Variants in ADGRG6 observed in about 807,000 individuals in gnomAD.
ADGRG6 encodes the protein G-protein coupled receptor 126.
A neutral mutation model predicts 142.4 loss-of-function variants in ADGRG6; 84 were observed. The ratio of observed to expected loss-of-function variants is 0.59; its 90% CI spans 0.49 to 0.71. The LOEUF (loss-of-function observed/expected upper bound fraction) is 0.71, where lower values mean the gene tolerates loss of function less well. Among genes scored for constraint, ADGRG6 ranks in the 30% least tolerant of loss-of-function variants. ADGRG6 has a pLI of 0.00. For synonymous variants in ADGRG6, 521 were observed against 520.5 expected (o/e 1.00, Z -0.01); for missense variants, 1,367 against 1,466.6 (o/e 0.93, Z 1.11).
Position 142,383,794 on chromosome 6 carries a change from TG to T in ADGRG6, c.1174del (p.Val392SerfsTer25). 3.2e-6 allele frequency: 5 copies of T among 1,578,524 alleles called. No individual in the cohort carries two copies. The highest frequency in any genetic ancestry group is 3.5e-6 in the Non-Finnish European group (4 of 1,148,206). On this transcript the variant is annotated frameshift_variant, in exon 6 of 25. Transcript: ENST00000367609. LOFTEE classifies it high-confidence loss of function. ...ACTCTCCTAGTACTACACCACCCAC[TG>T]TCACCACTAACATGCCTGTTACTAA... ...VNSPSTTPPT[V>X]TTNMPVTNRI...
Position 142,437,544 on chromosome 6 carries a change from T to C in ADGRG6, c.3421+9T>C, listed in dbSNP as rs563833369. 10 of 1,276,220 alleles carry C rather than the reference T, an allele frequency of 7.8e-6. No homozygotes were observed. In the Admixed American group the frequency reaches 8.4e-5, roughly 11 times the overall value. The allele number at this position is 1,276,220 out of a possible 1,614,324, so 79.1% of individuals were successfully genotyped here. On this transcript the variant is annotated intron_variant, in intron 23 of 24. Transcript: ENST00000367609. ...GTTAGCAGATAACTCAGGTAAAGAG[T>C]TGTTGATTAAATTTTACATCTACAA...
rs138498029 is a variant in ADGRG6 at position 142,393,878 on chromosome 6, A to G, written c.1362-18A>G. 8.1e-6 allele frequency: 12 copies of G among 1,477,054 alleles called. No homozygotes were observed. The African/African-American group carries it at 1.1e-4, about 14-fold the overall frequency. The allele number at this position is 1,477,054 out of a possible 1,614,324, so 91.5% of individuals were successfully genotyped here. A position where few individuals can be genotyped will look rare whatever the true frequency, so the allele number is the denominator to read the frequency against. ...GTTGGTGAGGTGGATTAATGAATAT[A>G]TGTATTTGTGTTTTTAGTTTTCACC... On this transcript the variant is annotated intron_variant, in intron 8 of 24. Coordinates refer to ENST00000367609, the MANE Select transcript of ADGRG6 (RefSeq NM_198569.3).
intron 18 of ADGRG6, among the ~76,000 whole-genome samples, chr6:142,411,654 A>G (rs999419605): frequency 3.9e-5 from 6 of 152,122 alleles, no homozygotes; most frequent in African/African-American, 1.4e-4. Flanking sequence ...CAGTGATGAT[A>G]AATAATCCCA....
At chr6:142,335,883 A>G (rs1357853917) in intron 2 of ADGRG6, among the ~76,000 whole-genome samples, 1 of 152,216 alleles carries the variant, frequency 6.6e-6, no homozygotes, top group Non-Finnish European at 1.5e-5. Flanking sequence ...GAATGTAATC[A>G]GGGATCCTTT....
At chr6:142,393,639 T>C (rs1482594536) in intron 8 of ADGRG6, among the ~76,000 whole-genome samples, 1 of 152,164 alleles carries the variant, frequency 6.6e-6, no homozygotes, top group African/African-American at 2.4e-5. Flanking sequence ...AAGTACGTTA[T>C]TGTACAAACT....
chr6:142,311,331 T>A (rs1777759364), intron 2 of ADGRG6, among the ~76,000 whole-genome samples: 1 of 151,910 alleles, frequency 6.6e-6, no homozygotes, highest in Admixed American at 6.6e-5. Flanking sequence ...TCTGTTTCAC[T>A]TTTGAGGCCA....
chr6:142,321,077 A>G (rs1432035773), intron 2 of ADGRG6, among the ~76,000 whole-genome samples: 2 of 151,998 alleles, frequency 1.3e-5, no homozygotes, highest in Non-Finnish European at 2.9e-5. Context: ...AAAGGTATAC[A>G]TAACCATAAC....
chr6:142,335,545 G>A (rs1371186184), intron 2 of ADGRG6, among the ~76,000 whole-genome samples: 1 of 152,110 alleles, frequency 6.6e-6, no homozygotes, highest in Non-Finnish European at 1.5e-5. Context: ...GGGCATCAGT[G>A]GGAAAGGAGG....
rs1006468613 is a variant in ADGRG6 at position 142,408,268 on chromosome 6, A to G, written c.2387A>G (p.Gln796Arg). 6.4e-7 allele frequency: 1 copy of G among 1,556,674 alleles called. No homozygotes were observed. Among genetic ancestry groups the G allele is most frequent in the Admixed American group, 1.9e-5 (1 of 52,052 alleles). The change falls in exon 16 of 25, where the codon CAG (glutamine) becomes CGG (arginine). Residue 796 changes from glutamine to arginine, a missense_variant and splice_region_variant. Gln to Arg is a conservative substitution (Grantham distance 43). This residue lies in a region of ADGRG6 where 286 missense variants were observed against 371.4 expected (regional missense o/e 0.77). Coordinates refer to ENST00000367609, the MANE Select transcript of ADGRG6 (RefSeq NM_198569.3). ...ATAAAAATCAAACATACAAGAACTC[A>G]GGTAAGAAAACGCTCCCAATAGCAT... ...VQIKIKHTRT[Q>R]EVHHPICAFW...
chr6:142,426,607 C>A (rs532272475), intron 22 of ADGRG6, among the ~76,000 whole-genome samples: 1 of 152,304 alleles, frequency 6.6e-6, no homozygotes, highest in East Asian at 1.9e-4. Flanking sequence ...GATGGTGGCC[C>A]TCTTCTCACA....
intron 2 of ADGRG6, among the ~76,000 whole-genome samples, chr6:142,364,575 A>G (rs904445743): frequency 9.2e-5 from 14 of 152,216 alleles, no homozygotes; most frequent in African/African-American, 2.9e-4. Flanking sequence ...GGACTTTCCA[A>G]TATTAATCCA....
chr6:142,402,098 G>A (rs1349941857), intron 12 of ADGRG6, 40 bp downstream of exon 12: 1 of 914,618 alleles, frequency 1.1e-6, no homozygotes, highest in Non-Finnish European at 1.8e-6. Flanking sequence ...AGGACAAAAT[G>A]ACATGACTTC....
At chr6:142,336,069 T>G (rs1779295968) in intron 2 of ADGRG6, among the ~76,000 whole-genome samples, 1 of 152,216 alleles carries the variant, frequency 6.6e-6, no homozygotes, top group Non-Finnish European at 1.5e-5. Flanking sequence ...AAAGCAACTT[T>G]TTATGATCTC....
intron 4 of ADGRG6, among the ~76,000 whole-genome samples, chr6:142,381,730 A>G (rs1315246787): frequency 6.6e-6 from 1 of 152,198 alleles, no homozygotes; most frequent in East Asian, 1.9e-4. Flanking sequence ...TTCATGTGTG[A>G]TGACTCACAA....
intron 17 of ADGRG6, among the ~76,000 whole-genome samples, chr6:142,410,177 C>T (rs1425282083): frequency 6.6e-6 from 1 of 152,050 alleles, no homozygotes; most frequent in East Asian, 1.9e-4. Flanking sequence ...ACCTCTTTGA[C>T]ATCAGTTATT....
chr6:142,373,200 T>C (rs1431937224), intron 4 of ADGRG6, among the ~76,000 whole-genome samples: 1 of 152,192 alleles, frequency 6.6e-6, no homozygotes, highest in African/African-American at 2.4e-5. Context: ...AGCTGTGCTC[T>C]TCTAACCAGT....
intron 8 of ADGRG6, 61 bp downstream of exon 8, chr6:142,393,061 GTCTC>G: frequency 1.1e-6 from 1 of 907,294 alleles, no homozygotes; most frequent in Non-Finnish European, 1.8e-6. Context: ...GCTACTATTT[GTCTC>G]TCTGATTGTA....
At chr6:142,369,501 T>G (rs939353997) in intron 3 of ADGRG6, among the ~76,000 whole-genome samples, 2 of 152,210 alleles carry the variant, frequency 1.3e-5, no homozygotes, top group Admixed American at 1.3e-4. Context: ...CCAGAAGAGC[T>G]GGAGTAGGAA....
At chr6:142,323,800 A>C (rs1014374720) in intron 2 of ADGRG6, among the ~76,000 whole-genome samples, 3 of 152,106 alleles carry the variant, frequency 2.0e-5, no homozygotes, top group Non-Finnish European at 4.4e-5. Context: ...ATAAAAATGC[A>C]GGATTATAAT....
Sources: allele counts gnomAD v4.1 joint callset (sites outside exome capture counted in the v4.1 genomes callset), GRCh38; gene constraint gnomAD v4.1.1; regional missense constraint gnomAD v4.1.1; transcripts MANE v1.5; gene names NCBI Gene and HGNC (gene_info 2026-07-23, HGNC 2026-07-21).